Variants in TRAPPC9 observed in about 807,000 individuals in gnomAD.
TRAPPC9 encodes the protein IKK2 binding protein.
In TRAPPC9, 83 loss-of-function variants were observed where a neutral mutation model predicts 124.0. The ratio of observed to expected loss-of-function variants is 0.67; its 90% CI spans 0.56 to 0.80. The LOEUF is 0.80. Among genes scored for constraint, TRAPPC9 ranks in the 30% least tolerant of loss-of-function variants. The pLI, the probability that TRAPPC9 is intolerant of heterozygous loss-of-function variation, is 0.00. For missense variants in TRAPPC9, 1,302 were observed against 1,508.3 expected, an observed-to-expected ratio of 0.86 and a Z score of 2.27; for synonymous variants, 638 against 617.5, an observed-to-expected ratio of 1.03 and a Z score of -0.49.
At chr8:140,248,048 A>G (rs926138013) in intron 16 of TRAPPC9, among the ~76,000 whole-genome samples, 3 of 152,164 alleles carry the variant, frequency 2.0e-5, no homozygotes, top group Non-Finnish European at 4.4e-5. Context: ...ATCACTCTGC[A>G]TAGAGTTTGG....
chr8:139,817,681 TAGA>T (rs1824949810), intron 21 of TRAPPC9, among the ~76,000 whole-genome samples: 1 of 152,360 alleles, frequency 6.6e-6, no homozygotes, highest in Non-Finnish European at 1.5e-5. Flanking sequence ...GCCTTCTCTT[TAGA>T]AGGTTTTTCC....
intron 21 of TRAPPC9, among the ~76,000 whole-genome samples, chr8:139,757,843 C>T (rs927940639): frequency 2.0e-5 from 3 of 152,146 alleles, no homozygotes; most frequent in African/African-American, 7.2e-5. Flanking sequence ...GGGCTCGCCT[C>T]CCTGTCCAAG....
At chr8:140,142,867 TCA>T (rs1411118115) in intron 17 of TRAPPC9, among the ~76,000 whole-genome samples, 1 of 136,972 alleles carries the variant, frequency 7.3e-6, no homozygotes, top group Admixed American at 7.5e-5. Context: ...AAGGAATAAA[TCA>T]CAGAGTAAAA....
chr8:139,816,741 C>A (rs1292534624), intron 21 of TRAPPC9, among the ~76,000 whole-genome samples: 2 of 152,130 alleles, frequency 1.3e-5, no homozygotes, highest in Non-Finnish European at 2.9e-5. Context: ...ATGACCTCTG[C>A]AATGCCAAGC....
chr8:140,004,813 C>T (rs1394478216), intron 18 of TRAPPC9, among the ~76,000 whole-genome samples: 2 of 152,172 alleles, frequency 1.3e-5, no homozygotes, highest in African/African-American at 4.8e-5. Context: ...TCCCCAAGGC[C>T]TCCCAGGGTC....
At chr8:139,940,045 C>T (rs1453781317) in intron 19 of TRAPPC9, among the ~76,000 whole-genome samples, 1 of 152,218 alleles carries the variant, frequency 6.6e-6, no homozygotes, top group Non-Finnish European at 1.5e-5. Context: ...CCTAGGCAGC[C>T]CAAATATACC....
intron 21 of TRAPPC9, among the ~76,000 whole-genome samples, chr8:139,792,268 A>C (rs1453419774): frequency 6.6e-6 from 1 of 152,070 alleles, no homozygotes; most frequent in Non-Finnish European, 1.5e-5. Context: ...TCTCCATCTC[A>C]GGAGAGCTTC....
chr8:139,807,158 C>A (rs941305530), intron 21 of TRAPPC9, among the ~76,000 whole-genome samples: 1 of 152,190 alleles, frequency 6.6e-6, no homozygotes, highest in African/African-American at 2.4e-5. Flanking sequence ...GGATTTCCAG[C>A]GCAGAGAGCT....
chr8:140,167,359 G>T (rs1293173530), intron 17 of TRAPPC9, among the ~76,000 whole-genome samples: 1 of 152,146 alleles, frequency 6.6e-6, no homozygotes, highest in South Asian at 2.1e-4. Flanking sequence ...TAAGGACTGA[G>T]ATAGGAAGGG....
intron 21 of TRAPPC9, among the ~76,000 whole-genome samples, chr8:139,813,630 G>A (rs1299805827): frequency 6.6e-6 from 1 of 152,234 alleles, no homozygotes; most frequent in African/African-American, 2.4e-5. Flanking sequence ...AGCTGCCTCT[G>A]GGCCCAGCTC....
chr8:139,807,551 GAA>G (rs1399829440), intron 21 of TRAPPC9, among the ~76,000 whole-genome samples: 1 of 152,172 alleles, frequency 6.6e-6, no homozygotes, highest in African/African-American at 2.4e-5. Flanking sequence ...AAAACGCAAT[GAA>G]CAGCACAGGA....
At chr8:139,855,359 C>T (rs906343097) in intron 21 of TRAPPC9, among the ~76,000 whole-genome samples, 3 of 152,190 alleles carry the variant, frequency 2.0e-5, no homozygotes, top group Admixed American at 2.0e-4. Context: ...CAGTGCCTGG[C>T]GCTCAGCTCC....
intron 16 of TRAPPC9, among the ~76,000 whole-genome samples, chr8:140,225,583 T>C (rs1339018136): frequency 3.9e-5 from 6 of 152,196 alleles, no homozygotes; most frequent in Non-Finnish European, 7.3e-5. Flanking sequence ...AGGGTACTAG[T>C]ATTATGAACA....
intron 21 of TRAPPC9, among the ~76,000 whole-genome samples, chr8:139,835,368 G>A (rs563724601): frequency 4.6e-5 from 7 of 152,336 alleles, no homozygotes; most frequent in South Asian, 4.1e-4. Context: ...CAGGTCCTCC[G>A]GGGCTCCGCT....
chr8:139,830,898 G>A (rs1009858812), intron 21 of TRAPPC9, among the ~76,000 whole-genome samples: 2 of 152,238 alleles, frequency 1.3e-5, no homozygotes, highest in African/African-American at 4.8e-5. Flanking sequence ...CAGGGAGGCT[G>A]AACTGTCAGG....
At chr8:140,030,562 C>A (rs865978124) in intron 17 of TRAPPC9, among the ~76,000 whole-genome samples, 1 of 152,150 alleles carries the variant, frequency 6.6e-6, no homozygotes, top group Non-Finnish European at 1.5e-5. Context: ...TAAATGTCCA[C>A]GGAGACTTTA....
intron 21 of TRAPPC9, among the ~76,000 whole-genome samples, chr8:139,823,009 G>A (rs2130801614): frequency 6.6e-6 from 1 of 152,286 alleles, no homozygotes; most frequent in South Asian, 2.1e-4. Context: ...TCAGGTGTGT[G>A]CAGCTCTCTG....
At chr8:139,898,807 G>A (rs1830828024) in intron 20 of TRAPPC9, among the ~76,000 whole-genome samples, 1 of 151,992 alleles carries the variant, frequency 6.6e-6, no homozygotes, top group African/African-American at 2.4e-5. Flanking sequence ...GGCTTGAAGA[G>A]AAAAAAATAC....
At chr8:139,850,795 T>C (rs565881366) in intron 21 of TRAPPC9, among the ~76,000 whole-genome samples, 3 of 152,280 alleles carry the variant, frequency 2.0e-5, no homozygotes, top group South Asian at 2.1e-4. Flanking sequence ...CATCTGACCA[T>C]TGACCCATCT....
Sources: gnomAD v4.1 joint callset for allele counts (sites outside exome capture counted in the v4.1 genomes callset) on GRCh38, gnomAD v4.1.1 for gene constraint, MANE v1.5 for transcripts, NCBI Gene and HGNC (gene_info 2026-07-23, HGNC 2026-07-21) for gene names.